STEAP2: variants seen among roughly 807,000 people sequenced by gnomAD.
The protein encoded by STEAP2 is STEAP2 metalloreductase, also known as metalloreductase STEAP2.
A neutral mutation model predicts 46.4 loss-of-function variants in STEAP2; 30 were observed. The observed-to-expected ratio is 0.65, with a 90% CI of 0.48 to 0.88. STEAP2 has a LOEUF of 0.88. Ranked by LOEUF, STEAP2 falls within the 40% of genes least tolerant of loss-of-function variation. The pLI is 0.00. For missense variants in STEAP2, 513 were observed against 579.3 expected (o/e 0.89, Z 1.18); for synonymous variants, 180 against 200.5 (o/e 0.90, Z 0.86).
At chr7:90,241,741 A>C (rs1208522318), downstream of STEAP2, among the ~76,000 whole-genome samples, 1 of 152,216 alleles carries the variant, frequency 6.6e-6, no homozygotes, top group Non-Finnish European at 1.5e-5. Flanking sequence ...AGTGACTCTC[A>C]AGAATCTCAG....
At chr7:90,219,673 G>A (rs918386935) in intron 2 of STEAP2, among the ~76,000 whole-genome samples, 2 of 152,058 alleles carry the variant, frequency 1.3e-5, no homozygotes, top group African/African-American at 4.8e-5. Context: ...TGATGTGTGT[G>A]TGTTTTTTTT....
intron 5 of STEAP2, among the ~76,000 whole-genome samples, chr7:90,230,553 A>G (rs1795695810): frequency 6.6e-6 from 1 of 152,014 alleles, no homozygotes; most frequent in African/African-American, 2.4e-5. Context: ...TATAACATGC[A>G]ACCAGCCTTA....
rs973584112 is a variant in STEAP2, at chr7:90,235,213, C to T, written c.*2589C>T. 6.8e-5 allele frequency: 67 copies of T among 983,242 alleles called. No individual in the cohort carries two copies. In the African/African-American group the frequency reaches 1.1e-3, roughly 17 times the overall value. The allele number at this position is 983,242 out of a possible 1,614,324, so 60.9% of individuals were successfully genotyped here. On this transcript the variant is annotated 3_prime_UTR_variant, in exon 6 of 6. Coordinates refer to ENST00000394621, the MANE Select transcript of STEAP2 (RefSeq NM_001244944.2). ...GGCCTTTAAAAATATGAAAAACAAACTTGTGAAAATGTATAAAAGATGCAT... is the reference window on the plus strand; with the variant it reads ...GGCCTTTAAAAATATGAAAAACAAATTTGTGAAAATGTATAAAAGATGCAT...
intron 2 of STEAP2, among the ~76,000 whole-genome samples, chr7:90,221,416 G>A (rs1428714520): frequency 1.3e-5 from 2 of 151,980 alleles, no homozygotes; most frequent in African/African-American, 4.8e-5. Context: ...GACTCAAACT[G>A]TTTTATTTGA....
At chr7:90,241,738 C>G (rs533205445), downstream of STEAP2, among the ~76,000 whole-genome samples, 1 of 152,274 alleles carries the variant, frequency 6.6e-6, no homozygotes, top group Admixed American at 6.5e-5. Context: ...CAAAGTGACT[C>G]TCAAGAATCT....
rs194525 is a variant in STEAP2 at position 90,232,576 on chromosome 7, G to A, written c.1425G>A (p.Met475Ile). 135 of 1,613,142 alleles carry A rather than the reference G, an allele frequency of 8.4e-5. No individual in the cohort carries two copies. Among genetic ancestry groups the A allele is most frequent in the African/African-American group, 1.3e-4 (10 of 74,888 alleles). ...WEKSQFLEEG[M>I]GGTIPHVSPE... ...AGAGCCAATTTCTGGAAGAAGGTAT[G>A]GGAGGAACAATTCCTCATGTCTCCC... The change falls in exon 6 of 6, where the codon ATG (methionine) becomes ATA (isoleucine). Residue 475 changes from methionine (M) to isoleucine (I), a missense_variant. Physicochemically the swap from Met to Ile is conservative, Grantham distance 10. Coordinates refer to ENST00000394621, the MANE Select transcript of STEAP2 (RefSeq NM_001244944.2).
Position 90,232,684 on chromosome 7 carries a change from T to A in STEAP2, c.*60T>A. Reference sequence around the variant, plus strand: ...CTACTCATGCCATTATTTTTATGACTTCTACGTTCAGTTACAAGTATGCTG... The same window carrying A: ...CTACTCATGCCATTATTTTTATGACATCTACGTTCAGTTACAAGTATGCTG... On this transcript the variant is annotated 3_prime_UTR_variant, in exon 6 of 6. Coordinates refer to ENST00000394621, the MANE Select transcript of STEAP2 (RefSeq NM_001244944.2). 6.7e-7 allele frequency: 1 copy of A among 1,493,296 alleles called. No homozygotes were observed. The highest frequency in any genetic ancestry group is 8.9e-7 in the Non-Finnish European group (1 of 1,121,198). The allele number at this position is 1,493,296 out of a possible 1,614,324, so 92.5% of individuals were successfully genotyped here.
At chr7:90,238,330 G>C (rs1052937515), downstream of STEAP2, among the ~76,000 whole-genome samples, 2 of 152,174 alleles carry the variant, frequency 1.3e-5, no homozygotes, top group African/African-American at 4.8e-5. Flanking sequence ...TAAAATACAG[G>C]ACTCTCAGTT....
chr7:90,216,867 T>G (rs138448393), intron 2 of STEAP2, among the ~76,000 whole-genome samples: 2 of 152,326 alleles, frequency 1.3e-5, no homozygotes, highest in East Asian at 3.9e-4. Flanking sequence ...TGACCCGTCA[T>G]CACTGTGTTT....
intron 4 of STEAP2, 23 bp from the exon 5 acceptor site, chr7:90,229,849 A>G: frequency 6.2e-7 from 1 of 1,608,314 alleles, no homozygotes; most frequent in South Asian, 1.1e-5. Context: ...AATAAAGGAA[A>G]TTCACATTCG....
chr7:90,243,136 T>A (rs1412580373), downstream of STEAP2, among the ~76,000 whole-genome samples: 1 of 152,206 alleles, frequency 6.6e-6, no homozygotes, highest in Admixed American at 6.5e-5. Flanking sequence ...AATCAAATGC[T>A]GCCAGTCCTA....
In STEAP2 at chr7:90,225,371, C is replaced by A. The variant is rs1395119218; in HGVS notation, c.289C>A (p.His97Asn). The change falls in exon 3 of 6, where the codon CAT becomes AAT. Residue 97 changes from histidine (H) to asparagine (N), a missense_variant. Transcript: ENST00000394621. ...NIIFVAIHRE[H>N]YTSLWDLRHL... ...AATATTTGTTGCTATACACAGAGAACATTATACCTCCCTGTGGGACCTGAG... is the reference window on the plus strand; with the variant it reads ...AATATTTGTTGCTATACACAGAGAAAATTATACCTCCCTGTGGGACCTGAG... 3 of 1,613,724 alleles carry A rather than the reference C, an allele frequency of 1.9e-6. No homozygotes were observed. In the Admixed American group the frequency reaches 5.0e-5, roughly 27 times the overall value.
At chr7:90,240,701 T>TA (rs1796050332), downstream of STEAP2, among the ~76,000 whole-genome samples, 1 of 152,206 alleles carries the variant, frequency 6.6e-6, no homozygotes, top group Non-Finnish European at 1.5e-5. This position sits in a 1 kb window ranked among gnomAD's most constrained non-coding sequence, Gnocchi z 4.1. Context: ...GTAAAACTTG[T>TA]AAGTCAATAT....
chr7:90,219,500 G>A (rs1413361380), intron 2 of STEAP2, among the ~76,000 whole-genome samples: 1 of 151,914 alleles, frequency 6.6e-6, no homozygotes, highest in African/African-American at 2.4e-5. Context: ...TATCATGAGG[G>A]GATGCTAAAT....
chr7:90,234,888 C>T lies in STEAP2; in HGVS notation c.*2264C>T. ...ACTTTCTAACTGAGCCCTCTATTTT[C>T]TTTATTTTAATAATATTTCTCCCCA... On this transcript the variant is annotated 3_prime_UTR_variant, in exon 6 of 6. Coordinates refer to ENST00000394621, the MANE Select transcript of STEAP2 (RefSeq NM_001244944.2). 1.0e-6 allele frequency: 1 copy of T among 985,194 alleles called. No homozygotes were observed. Among genetic ancestry groups the T allele is most frequent in the Non-Finnish European group, 1.2e-6 (1 of 829,826 alleles). 61.0% of individuals were successfully genotyped at this position (985,194 alleles called of 1,614,324 possible).
Position 90,233,535 on chromosome 7 carries a change from T to C in STEAP2, c.*911T>C. The C allele has an allele frequency of 1.0e-6, 1 of 984,810 alleles. No individual in the cohort carries two copies. The highest frequency in any genetic ancestry group is 1.2e-6 in the Non-Finnish European group (1 of 829,318). 61.0% of individuals were successfully genotyped at this position (984,810 alleles called of 1,614,324 possible). On this transcript the variant is annotated 3_prime_UTR_variant, in exon 6 of 6. Coordinates refer to ENST00000394621, the MANE Select transcript of STEAP2 (RefSeq NM_001244944.2). ...GGTATAGGATTATACTGATGTTCTT[T>C]GAGGGATTCTGATGTGCTAGGCATG...
rs1238364810 is a variant in STEAP2, at chr7:90,237,250, T to A, written c.*4626T>A. 3.0e-6 allele frequency: 1 copy of A among 332,164 alleles called. No individual in the cohort carries two copies. Among genetic ancestry groups the A allele is most frequent in the Non-Finnish European group, 5.4e-6 (1 of 184,484 alleles). The allele number at this position is 332,164 out of a possible 1,614,324, so 20.6% of individuals were successfully genotyped here. Reference sequence around the variant, plus strand: ...ATTTAAGCCATTGTAAATCTGGGTGTGTTACATGAAGTGAAAATTAATTCT... The same window carrying A: ...ATTTAAGCCATTGTAAATCTGGGTGAGTTACATGAAGTGAAAATTAATTCT... On this transcript the variant is annotated 3_prime_UTR_variant, in exon 6 of 6. Coordinates refer to ENST00000394621, the MANE Select transcript of STEAP2 (RefSeq NM_001244944.2).
In STEAP2 at chr7:90,235,151, T is replaced by C. The variant is rs1371673057; in HGVS notation, c.*2527T>C. On this transcript the variant is annotated 3_prime_UTR_variant, in exon 6 of 6. Coordinates refer to ENST00000394621, the MANE Select transcript of STEAP2 (RefSeq NM_001244944.2). ...TTGCATGTATATATTAAGTAGCCGA[T>C]ACTCTAAATAAAAATACCACTGTTA... 3 of 954,618 alleles carry C rather than the reference T, an allele frequency of 3.1e-6. No individual in the cohort carries two copies. The highest frequency in any genetic ancestry group is 3.7e-6 in the Non-Finnish European group (3 of 801,846). The allele number at this position is 954,618 out of a possible 1,614,324, so 59.1% of individuals were successfully genotyped here. A position where few individuals can be genotyped will look rare whatever the true frequency, so the allele number is the denominator to read the frequency against.
chr7:90,235,750 C>A lies in STEAP2; in HGVS notation c.*3126C>A. 1.3e-6 allele frequency: 1 copy of A among 777,554 alleles called. No homozygotes were observed. Among genetic ancestry groups the A allele is most frequent in the Non-Finnish European group, 1.6e-6 (1 of 640,474 alleles). The allele number at this position is 777,554 out of a possible 1,614,324, so 48.2% of individuals were successfully genotyped here. On this transcript the variant is annotated 3_prime_UTR_variant, in exon 6 of 6. Coordinates refer to ENST00000394621, the MANE Select transcript of STEAP2 (RefSeq NM_001244944.2). Reference sequence around the variant, plus strand: ...TTTAAAATCATATTTAAATATGAATCTATTCATGCTAACATTATTTTTCAA... The same window carrying A: ...TTTAAAATCATATTTAAATATGAATATATTCATGCTAACATTATTTTTCAA...
Sources: allele counts gnomAD v4.1 joint callset (sites outside exome capture counted in the v4.1 genomes callset), GRCh38; gene constraint gnomAD v4.1.1; non-coding constraint Gnocchi (gnomAD v3.1); transcripts MANE v1.5; gene names NCBI Gene and HGNC (gene_info 2026-07-23, HGNC 2026-07-21).